GFRA1: variants seen among roughly 807,000 people sequenced by gnomAD.
GFRA1 encodes GDNF family receptor alpha 1, also known as GDNF family receptor alpha-1.
Under a neutral mutation model 51.6 loss-of-function variants are expected in GFRA1, and 16 were observed. The ratio of observed to expected loss-of-function variants is 0.31; its 90% CI spans 0.21 to 0.47. GFRA1 has a LOEUF of 0.47. Among genes scored for constraint, GFRA1 ranks in the 20% least tolerant of loss-of-function variants. The pLI, the probability that GFRA1 is intolerant of heterozygous loss-of-function variation, is 1.00. For synonymous variants in GFRA1, 270 were observed against 241.3 expected (o/e 1.12, Z -1.10); for missense variants, 530 against 594.3 (o/e 0.89, Z 1.13).
At chr10:116,066,833 C>T (rs906590800) in intron 9 of GFRA1, among the ~76,000 whole-genome samples, 2 of 152,198 alleles carry the variant, frequency 1.3e-5, no homozygotes, top group African/African-American at 4.8e-5. Flanking sequence ...CCTGGTTAAG[C>T]GTTACACTTG....
chr10:116,126,051 C>T (rs928867226), intron 5 of GFRA1, among the ~76,000 whole-genome samples: 2 of 152,158 alleles, frequency 1.3e-5, no homozygotes, highest in Non-Finnish European at 2.9e-5. Context: ...GTTATTTGAG[C>T]CCAGAAGACA....
intron 6 of GFRA1, among the ~76,000 whole-genome samples, chr10:116,111,297 T>G (rs903809945): frequency 6.6e-6 from 1 of 152,200 alleles, no homozygotes; most frequent in African/African-American, 2.4e-5. Context: ...TCATGTGCAG[T>G]GAGGGCAAGG....
intron 5 of GFRA1, among the ~76,000 whole-genome samples, chr10:116,199,023 C>A (rs1016494487): frequency 5.9e-5 from 9 of 152,070 alleles, no homozygotes; most frequent in African/African-American, 1.9e-4. Flanking sequence ...CAGCCACAGG[C>A]CAGGGAATAC....
At chr10:116,213,306 A>C (rs1965338560) in intron 4 of GFRA1, among the ~76,000 whole-genome samples, 1 of 152,214 alleles carries the variant, frequency 6.6e-6, no homozygotes, top group Admixed American at 6.5e-5. Context: ...TATCTCACAC[A>C]GTGGATTATT....
At chr10:116,226,221 A>G (rs139734125) in intron 4 of GFRA1, among the ~76,000 whole-genome samples, 17 of 152,226 alleles carry the variant, frequency 1.1e-4, no homozygotes, top group South Asian at 6.2e-4. Context: ...CCCTCTGCCA[A>G]CTGGATCCTT....
intron 5 of GFRA1, among the ~76,000 whole-genome samples, chr10:116,209,965 C>T (rs952895959): frequency 4.6e-5 from 7 of 152,068 alleles, no homozygotes; most frequent in Admixed American, 2.0e-4. Flanking sequence ...TATAAGGGAG[C>T]GGCCGCCCAC....
intron 5 of GFRA1, among the ~76,000 whole-genome samples, chr10:116,190,867 A>G (rs957069211): frequency 1.3e-5 from 2 of 152,254 alleles, no homozygotes; most frequent in African/African-American, 4.8e-5. Context: ...GCATAATAAC[A>G]CAATCCAGAG....
chr10:116,246,893 GCA>G lies in GFRA1; in HGVS notation c.418+22608_418+22609del, dbSNP rs1967909596. 6.6e-5 allele frequency among the ~76,000 whole-genome samples: 10 copies of G among 152,214 alleles called. No individual in the cohort carries two copies. The South Asian group carries it at 2.1e-3, about 32-fold the overall frequency. ...TTCTAATTATCAATTTCCTCGATAT[GCA>G]CAGAGAAACCAGAATAAAAACAGCA... is the stretch of plus-strand genomic sequence containing the variant. On this transcript the variant is annotated intron_variant, in intron 4 of 10. Coordinates refer to ENST00000355422, the MANE Select transcript of GFRA1 (RefSeq NM_005264.8).
intron 5 of GFRA1, among the ~76,000 whole-genome samples, chr10:116,190,710 A>G (rs554455664): frequency 6.6e-5 from 10 of 152,350 alleles, no homozygotes; most frequent in African/African-American, 1.9e-4. Context: ...AAGAAAGGAA[A>G]AGAAGAGAAG....
Position 116,093,850 on chromosome 10 carries a change from A to G in GFRA1, c.881-14T>C. ...TCATGACTGTGCCTAAAAGAATAAA[A>G]ACAAGGCATTTTATTGTTGTATGAT... On this transcript the variant is annotated splice_polypyrimidine_tract_variant and intron_variant, in intron 7 of 10. Transcript: ENST00000355422. 6 of 1,613,804 alleles carry G rather than the reference A, an allele frequency of 3.7e-6. No homozygotes were observed. Among genetic ancestry groups the G allele is most frequent in the Non-Finnish European group, 5.1e-6 (6 of 1,179,676 alleles).
At chr10:116,093,037 T>A (rs7088308) in intron 8 of GFRA1, among the ~76,000 whole-genome samples, 63,009 of 152,002 alleles carry the variant, frequency 0.41, 15,274 homozygotes, top group East Asian at 0.72. Context: ...CAAACTGCCT[T>A]AAGGACACTG....
chr10:116,271,717 C>T (rs1843954493), intron 2 of GFRA1, among the ~76,000 whole-genome samples: 1 of 152,176 alleles, frequency 6.6e-6, no homozygotes, highest in South Asian at 2.1e-4. Flanking sequence ...GGTGCAGGGC[C>T]CTGGGCTGGA....
chr10:116,188,269 G>A (rs1962917414), intron 5 of GFRA1, among the ~76,000 whole-genome samples: 1 of 152,216 alleles, frequency 6.6e-6, no homozygotes, highest in East Asian at 1.9e-4. Flanking sequence ...TCGGAGGAAT[G>A]AGGACCTGCG....
chr10:116,137,324 T>C (rs908113034), intron 5 of GFRA1, among the ~76,000 whole-genome samples: 6 of 152,182 alleles, frequency 3.9e-5, no homozygotes, highest in African/African-American at 1.4e-4. Context: ...TAATAATGAA[T>C]CATTGATGAT....
rs1283507912 is a variant in GFRA1 at position 116,057,322 on chromosome 10, C to T, written c.*7076G>A. On this transcript the variant is annotated 3_prime_UTR_variant, in exon 11 of 11. Transcript: ENST00000355422. ...CTTCTCAACAAAGCTCAGTCGACCC[C>T]TCACCCCTGTTCCGAGGAGACTGGG... 6.6e-6 allele frequency: 1 copy of T among 152,202 alleles called. No homozygotes were observed. The highest frequency in any genetic ancestry group is 6.5e-5 in the Admixed American group (1 of 15,278). 9.4% of individuals were successfully genotyped at this position (152,202 alleles called of 1,614,324 possible).
At chr10:116,111,953 C>A (rs2694810) in intron 6 of GFRA1, among the ~76,000 whole-genome samples, 2 of 152,238 alleles carry the variant, frequency 1.3e-5, no homozygotes, top group Non-Finnish European at 1.5e-5. Flanking sequence ...AGGCGCCTCC[C>A]TCATCTCTGG....
Position 116,171,031 on chromosome 10 carries a change from A to G in GFRA1, c.433+40600T>C, listed in dbSNP as rs1960969596. On this transcript the variant is annotated intron_variant, in intron 5 of 10. Coordinates refer to ENST00000355422, the MANE Select transcript of GFRA1 (RefSeq NM_005264.8). ...CTACGTTTACTTATAAAAGCTGTCA[A>G]TTAGGAAAACCTCTCTCCCTGACAG... Among the ~76,000 whole-genome samples the G allele has an allele frequency of 3.3e-5, 5 of 152,208 alleles. No individual in the cohort carries two copies. In the South Asian group the frequency reaches 1.0e-3, roughly 32 times the overall value.
rs1263396046 is a variant in GFRA1, at chr10:116,125,505, G to A, written c.486C>T (p.Asn162=). The A allele has an allele frequency of 1.9e-6, 3 of 1,614,194 alleles. No individual in the cohort carries two copies. The highest frequency in any genetic ancestry group is 1.7e-5 in the Admixed American group (1 of 60,028). The change falls in exon 6 of 11, where the codon AAC becomes AAT. Residue 162 remains asparagine (N), a synonymous_variant. Transcript: ENST00000355422. ...NNCLDAAKAC[N]LDDICKKYRS... is the part of the protein sequence containing the mutation. Reference sequence around the variant, plus strand: ...TGTACTTCTTGCAAATGTCGTCGAGGTTGCAGGCCTTCGCTGCATCCAGGC... The same window carrying A: ...TGTACTTCTTGCAAATGTCGTCGAGATTGCAGGCCTTCGCTGCATCCAGGC...
intron 9 of GFRA1, among the ~76,000 whole-genome samples, chr10:116,082,873 C>T (rs1046318691): frequency 2.0e-5 from 3 of 152,186 alleles, no homozygotes; most frequent in Non-Finnish European, 4.4e-5. Flanking sequence ...GCAGCTCTTC[C>T]TTTCTGGCCC....
Sources: allele counts gnomAD v4.1 joint callset (sites outside exome capture counted in the v4.1 genomes callset), GRCh38; gene constraint gnomAD v4.1.1; transcripts MANE v1.5; gene names NCBI Gene and HGNC (gene_info 2026-07-23, HGNC 2026-07-21).